The following XYLT1 variants were observed in gnomAD, a reference collection of about 807,000 sequenced individuals.
XYLT1 encodes xylosyltransferase 1.
A neutral mutation model predicts 91.3 loss-of-function variants in XYLT1; 36 were observed. That is an observed-to-expected ratio of 0.39 (90% confidence interval 0.30 to 0.52). The LOEUF is 0.52. XYLT1 is among the 20% of genes least tolerant of loss of function. The pLI, the probability that XYLT1 is intolerant of heterozygous loss-of-function variation, is 0.68. For missense variants in XYLT1, 1,242 were observed against 1,284.5 expected, an observed-to-expected ratio of 0.97 and a Z score of 0.51; for synonymous variants, 588 against 532.0, an observed-to-expected ratio of 1.11 and a Z score of -1.45.
chr16:17,240,040 G>T (rs1268203659), intron 3 of XYLT1, among the ~76,000 whole-genome samples: 2 of 152,214 alleles, frequency 1.3e-5, no homozygotes, highest in African/African-American at 4.8e-5. Context: ...TTGGAAAAGG[G>T]ATGCTAAACA....
intron 10 of XYLT1, among the ~76,000 whole-genome samples, chr16:17,121,197 A>G (rs1158885575): frequency 2.6e-5 from 4 of 152,242 alleles, no homozygotes; most frequent in Admixed American, 2.6e-4. Flanking sequence ...TTAGGGGAAG[A>G]TGGGAACCCT....
intron 1 of XYLT1, among the ~76,000 whole-genome samples, chr16:17,432,081 T>C (rs2036399367): frequency 6.7e-6 from 1 of 148,734 alleles, no homozygotes; most frequent in Non-Finnish European, 1.5e-5. Flanking sequence ...TATAAGAAGA[T>C]AAAAAAAAAA....
chr16:17,449,691 T>C (rs1451197061), intron 1 of XYLT1, among the ~76,000 whole-genome samples: 2 of 152,236 alleles, frequency 1.3e-5, no homozygotes. Flanking sequence ...TGGTAGCTGC[T>C]AATTACTATT....
intron 2 of XYLT1, among the ~76,000 whole-genome samples, chr16:17,308,547 T>C (rs1375116668): frequency 6.6e-6 from 1 of 152,192 alleles, no homozygotes. Context: ...TCTAGGGTGG[T>C]TTGGGTTCAA....
At chr16:17,452,808 C>T (rs187630101) in intron 1 of XYLT1, among the ~76,000 whole-genome samples, 12 of 152,146 alleles carry the variant, frequency 7.9e-5, no homozygotes, top group African/African-American at 1.9e-4. Context: ...GTAATTAGCA[C>T]GTTAGAACAT....
chr16:17,296,313 T>A (rs1331359471), intron 2 of XYLT1, among the ~76,000 whole-genome samples: 1 of 152,146 alleles, frequency 6.6e-6, no homozygotes, highest in African/African-American at 2.4e-5. Context: ...AGCGCGTTTA[T>A]CCCCATGTAA....
intron 2 of XYLT1, among the ~76,000 whole-genome samples, chr16:17,305,666 C>T (rs1327260697): frequency 3.9e-5 from 6 of 152,014 alleles, no homozygotes; most frequent in Admixed American, 1.3e-4. Context: ...CCTCCACCAC[C>T]GCCTCCCAAA....
chr16:17,283,646 T>C (rs2034091231), intron 2 of XYLT1, among the ~76,000 whole-genome samples: 1 of 152,190 alleles, frequency 6.6e-6, no homozygotes, highest in Admixed American at 6.5e-5. Flanking sequence ...ATTTGAAATG[T>C]ATAAAGGGCT....
Position 17,182,865 on chromosome 16 carries a change from G to T in XYLT1, c.1289+15347C>A, listed in dbSNP as rs181446052. Among the ~76,000 whole-genome samples, 306 of 152,180 alleles carry T rather than the reference G, an allele frequency of 2.0e-3. 1 individual carries two copies. The highest frequency in any genetic ancestry group is 7.2e-3 in the African/African-American group (297 of 41,518). On this transcript the variant is annotated intron_variant, in intron 5 of 11. Transcript: ENST00000261381. ...GATTACAAAGGAATTTGAAGGTTGG[G>T]GTTGTTCTTGCTAACGCAGGACAGA...
intron 2 of XYLT1, among the ~76,000 whole-genome samples, chr16:17,293,299 A>T (rs574581422): frequency 1.2e-4 from 18 of 152,184 alleles, no homozygotes; most frequent in African/African-American, 4.1e-4. Flanking sequence ...AACACCCAAC[A>T]ACTAGTATTT....
At chr16:17,326,307 C>A (rs1335419167) in intron 2 of XYLT1, among the ~76,000 whole-genome samples, 1 of 152,190 alleles carries the variant, frequency 6.6e-6, no homozygotes, top group Non-Finnish European at 1.5e-5. Flanking sequence ...GAAAATGCCT[C>A]CCCATTTTCC....
intron 3 of XYLT1, among the ~76,000 whole-genome samples, chr16:17,256,179 C>G (rs902903805): frequency 6.6e-6 from 1 of 152,176 alleles, no homozygotes; most frequent in Non-Finnish European, 1.5e-5. Context: ...ATCCAGCCCT[C>G]TTTCTGTGCA....
intron 2 of XYLT1, among the ~76,000 whole-genome samples, chr16:17,303,719 A>G (rs1360572501): frequency 6.6e-6 from 1 of 152,200 alleles, no homozygotes; most frequent in Non-Finnish European, 1.5e-5. Flanking sequence ...TTTAAAACAC[A>G]TTCAGCCTTT....
intron 5 of XYLT1, among the ~76,000 whole-genome samples, chr16:17,187,219 C>T (rs921875605): frequency 6.6e-6 from 1 of 151,754 alleles, no homozygotes; most frequent in African/African-American, 2.4e-5. Flanking sequence ...AGGCAAAACC[C>T]TGTCTCTACT....
At chr16:17,333,076 C>T (rs1450454160) in intron 2 of XYLT1, among the ~76,000 whole-genome samples, 2 of 151,982 alleles carry the variant, frequency 1.3e-5, no homozygotes, top group Non-Finnish European at 2.9e-5. Flanking sequence ...AGACTGAGGC[C>T]AGGAATTGAG....
In XYLT1 at chr16:17,312,191, G is replaced by C. The variant is rs1220084284; in HGVS notation, c.402+45821C>G. Among the ~76,000 whole-genome samples, 2 of 152,182 alleles carry C rather than the reference G, an allele frequency of 1.3e-5. No individual in the cohort carries two copies. The highest frequency in any genetic ancestry group is 2.9e-5 in the Non-Finnish European group (2 of 68,030). On this transcript the variant is annotated intron_variant, in intron 2 of 11. Transcript: ENST00000261381. This position sits in a 1 kb window ranked among gnomAD's most constrained non-coding sequence, Gnocchi z 4.4. ...AGCACTGCCCAAGCCAAATGAAGCA[G>C]GCGTGAAGCCAGGCACGCCCAGGGG...
At chr16:17,338,285 C>T in intron 2 of XYLT1, 1 of 456,530 alleles carries the variant, frequency 2.2e-6, no homozygotes, top group Non-Finnish European at 4.4e-6. Flanking sequence ...CCTCAAACAT[C>T]TTCAGTGGCT....
chr16:17,325,423 T>A (rs935635100), intron 2 of XYLT1, among the ~76,000 whole-genome samples: 1 of 152,094 alleles, frequency 6.6e-6, no homozygotes, highest in Non-Finnish European at 1.5e-5. Context: ...ATACTCTGAT[T>A]TTAGAAGATG....
chr16:17,347,264 T>C (rs970959091), intron 2 of XYLT1, among the ~76,000 whole-genome samples: 2 of 152,178 alleles, frequency 1.3e-5, no homozygotes, highest in Non-Finnish European at 2.9e-5. Flanking sequence ...TGTCTGTCTG[T>C]CTGCTCTGGG....
Sources: gnomAD v4.1 joint callset for allele counts (sites outside exome capture counted in the v4.1 genomes callset) on GRCh38, gnomAD v4.1.1 for gene constraint, Gnocchi (gnomAD v3.1) non-coding constraint, MANE v1.5 for transcripts, NCBI Gene and HGNC (gene_info 2026-07-23, HGNC 2026-07-21) for gene names.